Variants in FRMD4B observed in about 807,000 individuals in gnomAD.
The protein encoded by FRMD4B is FERM domain-containing protein 4B.
FRMD4B carries 74 observed loss-of-function variants against 141.5 expected under a neutral mutation model. The observed-to-expected ratio is 0.52, with a 90% CI of 0.43 to 0.63. The LOEUF is 0.63. FRMD4B is among the 30% of genes least tolerant of loss of function. The probability of loss-of-function intolerance (pLI) is 0.00; values close to 1 mark genes in which losing one functional copy is unlikely to be tolerated. For missense variants in FRMD4B, 1,366 were observed against 1,253.4 expected (o/e 1.09, Z -1.36); for synonymous variants, 506 against 467.9 (o/e 1.08, Z -1.05).
intron 1 of FRMD4B, among the ~76,000 whole-genome samples, chr3:69,323,541 G>A (rs1702078859): frequency 6.8e-6 from 1 of 147,440 alleles, no homozygotes; most frequent in Non-Finnish European, 1.5e-5. Flanking sequence ...CTCCAGCCTG[G>A]GCGACACAGC....
chr3:69,260,931 A>G (rs1282219928), intron 5 of FRMD4B, among the ~76,000 whole-genome samples: 1 of 152,236 alleles, frequency 6.6e-6, no homozygotes, highest in Non-Finnish European at 1.5e-5. Context: ...CTGTAATCGC[A>G]CTAATCAGTA....
intron 1 of FRMD4B, among the ~76,000 whole-genome samples, chr3:69,322,594 CTTTTTT>C (rs771521331): frequency 2.5e-5 from 2 of 81,406 alleles, no homozygotes; most frequent in South Asian, 7.5e-4. Flanking sequence ...TTCTCTCTCT[CTTTTTT>C]TTTTTTTTTT....
intron 7 of FRMD4B, among the ~76,000 whole-genome samples, chr3:69,245,673 T>G (rs539613530): frequency 6.7e-6 from 1 of 148,344 alleles, no homozygotes; most frequent in African/African-American, 2.5e-5. Flanking sequence ...TCTTTTTTTT[T>G]TTTTTTTTGT....
At chr3:69,262,248 C>T (rs796583895) in intron 5 of FRMD4B, among the ~76,000 whole-genome samples, 3 of 151,830 alleles carry the variant, frequency 2.0e-5, no homozygotes, top group Non-Finnish European at 2.9e-5. Flanking sequence ...ATTACAGGCA[C>T]GAACCACCAT....
intron 1 of FRMD4B, 76 bp downstream of exon 1, chr3:69,385,752 C>G (rs1324153446): frequency 7.8e-7 from 1 of 1,275,472 alleles, no homozygotes; most frequent in Admixed American, 2.9e-5. Flanking sequence ...GGAATAAAAT[C>G]ATACAGGTGG....
intron 1 of FRMD4B, among the ~76,000 whole-genome samples, chr3:69,470,696 G>A (rs1329572837): frequency 6.6e-6 from 1 of 152,114 alleles, no homozygotes; most frequent in Non-Finnish European, 1.5e-5. Flanking sequence ...TCAGGCTACA[G>A]CAAGCAGTTT....
intron 7 of FRMD4B, among the ~76,000 whole-genome samples, chr3:69,241,707 G>T (rs1309852884): frequency 6.6e-6 from 1 of 151,976 alleles, no homozygotes; most frequent in Non-Finnish European, 1.5e-5. Flanking sequence ...AGACCAGTCT[G>T]GCCAACAAGG....
At chr3:69,252,320 AAATATCC>A (rs1202305771) in intron 5 of FRMD4B, among the ~76,000 whole-genome samples, 2 of 152,236 alleles carry the variant, frequency 1.3e-5, no homozygotes, top group African/African-American at 4.8e-5. Flanking sequence ...AGTGGGGAGC[AAATATCC>A]AACTCACCTG....
intron 3 of FRMD4B, among the ~76,000 whole-genome samples, chr3:69,308,483 G>A (rs547676223): frequency 6.6e-6 from 1 of 151,406 alleles, no homozygotes; most frequent in East Asian, 1.9e-4. Flanking sequence ...TGTCACTTGG[G>A]CTGGAGTGCA....
At position 69,186,210 on chromosome 3, in the gene FRMD4B, CTATT is replaced by C. The variant is rs1209082756; in HGVS notation, c.1919+1556_1919+1559del. The stretch of plus-strand genomic sequence containing the variant: ...TCATTTCTTTCATGGATTCATGGTG[CTATT>C]TTTTTGAACATTTCTTTTTTTTTTC... On this transcript the variant is annotated intron_variant, in intron 19 of 22. Coordinates refer to ENST00000398540, the MANE Select transcript of FRMD4B (RefSeq NM_015123.3). 5.5e-5 allele frequency among the ~76,000 whole-genome samples: 8 copies of C among 146,306 alleles called. No homozygotes were observed. The East Asian group carries it at 1.2e-3, about 22-fold the overall frequency.
At chr3:69,300,111 C>T (rs1451863899) in intron 4 of FRMD4B, among the ~76,000 whole-genome samples, 2 of 152,140 alleles carry the variant, frequency 1.3e-5, no homozygotes, top group African/African-American at 4.8e-5. Flanking sequence ...TGAGGAGCAA[C>T]TCACTTCACT....
intron 1 of FRMD4B, among the ~76,000 whole-genome samples, chr3:69,492,188 AAAGTTTGC>A (rs1187018985): frequency 6.6e-6 from 1 of 152,134 alleles, no homozygotes; most frequent in Non-Finnish European, 1.5e-5. Flanking sequence ...ATGCAGAGTG[AAAGTTTGC>A]AAGACCTGCA....
chr3:69,357,422 G>T (rs1476478393), intron 1 of FRMD4B, among the ~76,000 whole-genome samples: 1 of 152,188 alleles, frequency 6.6e-6, no homozygotes, highest in Non-Finnish European at 1.5e-5. Context: ...CCTGGAATAG[G>T]TCCAAATGAA....
chr3:69,327,175 C>T (rs553578781), intron 1 of FRMD4B, among the ~76,000 whole-genome samples: 1 of 152,246 alleles, frequency 6.6e-6, no homozygotes, highest in African/African-American at 2.4e-5. Flanking sequence ...AAGCAGCAGA[C>T]ACCCTGTGGT....
chr3:69,215,121 C>A (rs1213726313), intron 11 of FRMD4B, among the ~76,000 whole-genome samples: 1 of 150,752 alleles, frequency 6.6e-6, no homozygotes, highest in African/African-American at 2.4e-5. Flanking sequence ...CTCAGGCAAC[C>A]CACCCGACTC....
In FRMD4B at chr3:69,193,754, T is replaced by C; in HGVS notation, c.1608A>G (p.Gln536=). 2.5e-6 allele frequency: 4 copies of C among 1,613,542 alleles called. No homozygotes were observed. In the South Asian group the frequency reaches 3.3e-5, roughly 13 times the overall value. The change falls in exon 17 of 23, where the codon CAA becomes CAG. Residue 536 remains glutamine (Q), a synonymous_variant. Transcript: ENST00000398540. ...LCKTVKKKRK[Q]DYTDAMKKLQ... ...GCTTTTTCATCGCATCTGTGTAATC[T>C]TGCTTTCGCTTTTTCTTCACAGTTT...
intron 2 of FRMD4B, among the ~76,000 whole-genome samples, chr3:69,428,572 T>A (rs1241593562): frequency 6.6e-6 from 1 of 151,870 alleles, no homozygotes; most frequent in Admixed American, 6.6e-5. Flanking sequence ...TACTAAGAAA[T>A]TTTAACTGAT....
intron 7 of FRMD4B, among the ~76,000 whole-genome samples, chr3:69,237,038 G>T (rs1405346718): frequency 6.6e-6 from 1 of 152,176 alleles, no homozygotes; most frequent in Admixed American, 6.5e-5. Flanking sequence ...AATTCATTTG[G>T]TCCAACCCCT....
intron 7 of FRMD4B, among the ~76,000 whole-genome samples, chr3:69,243,425 A>G (rs552569984): frequency 2.0e-5 from 3 of 152,230 alleles, no homozygotes; most frequent in African/African-American, 4.8e-5. Flanking sequence ...ACTAAGGAGT[A>G]TGCACAGCAG....
Sources: gnomAD v4.1 joint callset for allele counts (sites outside exome capture counted in the v4.1 genomes callset) on GRCh38, gnomAD v4.1.1 for gene constraint, MANE v1.5 for transcripts, NCBI Gene and HGNC (gene_info 2026-07-23, HGNC 2026-07-21) for gene names.